XRCC6: variants seen among roughly 807,000 people sequenced by gnomAD.
The protein encoded by XRCC6 is DNA repair protein Ku70.
XRCC6 carries 5 observed loss-of-function variants against 65.7 expected under a neutral mutation model. The observed-to-expected ratio is 0.08, with a 90% CI of 0.04 to 0.16. The LOEUF (loss-of-function observed/expected upper bound fraction) is 0.16, where lower values mean the gene tolerates loss of function less well. Among genes scored for constraint, XRCC6 ranks in the 10% least tolerant of loss-of-function variants. The pLI is 1.00. For synonymous variants in XRCC6, 270 were observed against 270.6 expected, an observed-to-expected ratio of 1.00 and a Z score of 0.02; for missense variants, 447 against 738.1, an observed-to-expected ratio of 0.61 and a Z score of 4.57.
chr22:41,630,106 C>A (rs1430676414), intron 3 of XRCC6, among the ~76,000 whole-genome samples: 1 of 151,618 alleles, frequency 6.6e-6, no homozygotes, highest in African/African-American at 2.4e-5. Flanking sequence ...GCCTCAGCCT[C>A]CCGAGTAGGT....
intron 7 of XRCC6, among the ~76,000 whole-genome samples, chr22:41,648,513 G>A (rs907672334): frequency 3.3e-5 from 5 of 152,110 alleles, no homozygotes; most frequent in Non-Finnish European, 5.9e-5. Context: ...GCCTTGGGAT[G>A]ACATACATCT....
At chr22:41,652,621 C>T (rs2068011520) in intron 8 of XRCC6, among the ~76,000 whole-genome samples, 2 of 152,162 alleles carry the variant, frequency 1.3e-5, no homozygotes, top group African/African-American at 4.8e-5. Flanking sequence ...CTGTCTTGGC[C>T]TCCCAGAGTG....
chr22:41,651,771 T>C (rs911873901), intron 8 of XRCC6, among the ~76,000 whole-genome samples: 1 of 150,638 alleles, frequency 6.6e-6, no homozygotes, highest in African/African-American at 2.4e-5. Flanking sequence ...CGTGAGCCAC[T>C]GCACCTGGCC....
chr22:41,631,474 C>T (rs1188511793), intron 3 of XRCC6, among the ~76,000 whole-genome samples: 4 of 150,454 alleles, frequency 2.7e-5, no homozygotes, highest in African/African-American at 7.4e-5. Context: ...CAGAGACGCT[C>T]CTCACCTCCC....
At chr22:41,621,380 A>C in intron 1 of XRCC6, 35 bp downstream of exon 1, 1 of 167,000 alleles carries the variant, frequency 6.0e-6, no homozygotes, top group South Asian at 1.4e-4. Flanking sequence ...GTTGTTCGCC[A>C]GCTAGGCCTG....
At chr22:41,647,606 G>A (rs1193741551) in intron 7 of XRCC6, among the ~76,000 whole-genome samples, 1 of 151,654 alleles carries the variant, frequency 6.6e-6, no homozygotes, top group Admixed American at 6.6e-5. Context: ...AAGAGACGGT[G>A]TCTCGCTATG....
intron 2 of XRCC6, 137 bp downstream of exon 2, chr22:41,622,223 G>A: frequency 1.1e-6 from 1 of 949,268 alleles, no homozygotes; most frequent in Non-Finnish European, 1.6e-6. Flanking sequence ...TTCTTCCTTT[G>A]AACTTCGCAG....
chr22:41,628,612 T>C (rs987791712), intron 3 of XRCC6, among the ~76,000 whole-genome samples: 1 of 152,076 alleles, frequency 6.6e-6, no homozygotes, highest in Non-Finnish European at 1.5e-5. Flanking sequence ...CTACTGCCTG[T>C]GGTTGGGGAA....
intron 7 of XRCC6, 113 bp downstream of exon 7, chr22:41,647,195 C>A: frequency 9.2e-7 from 1 of 1,084,506 alleles, no homozygotes; most frequent in Non-Finnish European, 1.3e-6. Flanking sequence ...ACCTCCTGGA[C>A]TCAAGCGATC....
At chr22:41,658,814 C>G (rs923809850) in intron 11 of XRCC6, among the ~76,000 whole-genome samples, 5 of 152,132 alleles carry the variant, frequency 3.3e-5, no homozygotes, top group African/African-American at 1.2e-4. Context: ...GCCTGTAGTC[C>G]CAGCTACTCG....
At chr22:41,643,476 C>T (rs1006431036) in intron 6 of XRCC6, among the ~76,000 whole-genome samples, 5 of 151,848 alleles carry the variant, frequency 3.3e-5, no homozygotes, top group Admixed American at 6.6e-5. Context: ...TTAGCTGCAT[C>T]GTATACATTT....
At chr22:41,627,466 C>T (rs1026160006) in intron 2 of XRCC6, among the ~76,000 whole-genome samples, 1 of 151,978 alleles carries the variant, frequency 6.6e-6, no homozygotes, top group East Asian at 1.9e-4. Context: ...ACAAAATTAG[C>T]TGGGAGTGGT....
At chr22:41,637,964 A>AG (rs2067827657) in intron 6 of XRCC6, among the ~76,000 whole-genome samples, 173 bp downstream of exon 6, 1 of 148,282 alleles carries the variant, frequency 6.7e-6, no homozygotes, top group Admixed American at 6.8e-5. Flanking sequence ...TCTCTACCTA[A>AG]AAAAAAAAAA....
chr22:41,654,459 G>A (rs1423592879), intron 9 of XRCC6, among the ~76,000 whole-genome samples: 1 of 152,174 alleles, frequency 6.6e-6, no homozygotes. Context: ...CTCTCAGGCT[G>A]TGTCTATAGT....
At chr22:41,632,343 G>T (rs2067764418) in intron 3 of XRCC6, among the ~76,000 whole-genome samples, 1 of 152,112 alleles carries the variant, frequency 6.6e-6, no homozygotes, top group Non-Finnish European at 1.5e-5. Flanking sequence ...GGGTGTGGTG[G>T]CTCACGCCTG....
rs2068122966 is a variant in XRCC6 at position 41,663,846 on chromosome 22, C to T, written c.*31C>T. 6.3e-7 allele frequency: 1 copy of T among 1,598,672 alleles called. No individual in the cohort carries two copies. The highest frequency in any genetic ancestry group is 8.6e-7 in the Non-Finnish European group (1 of 1,169,566). On this transcript the variant is annotated 3_prime_UTR_variant, in exon 13 of 13. Coordinates refer to ENST00000360079, the MANE Select transcript of XRCC6 (RefSeq NM_001469.5). ...GGCCGCGCGTCCAGCTGCCCTTCCG[C>T]AGTGTGGCCAGGCTGCCTGGCCTTG...
chr22:41,662,195 A>T (rs1407230775), intron 12 of XRCC6, among the ~76,000 whole-genome samples: 1 of 152,186 alleles, frequency 6.6e-6, no homozygotes, highest in African/African-American at 2.4e-5. Flanking sequence ...TTGTACATTT[A>T]AAAATAACTA....
At chr22:41,662,678 T>G (rs1373982216) in intron 12 of XRCC6, among the ~76,000 whole-genome samples, 1 of 152,228 alleles carries the variant, frequency 6.6e-6, no homozygotes, top group Non-Finnish European at 1.5e-5. Flanking sequence ...GATGCATTCT[T>G]GCAGTGAATT....
At chr22:41,644,654 AT>A (rs1206019770) in intron 6 of XRCC6, among the ~76,000 whole-genome samples, 2 of 151,600 alleles carry the variant, frequency 1.3e-5, no homozygotes, top group East Asian at 2.0e-4. Flanking sequence ...CCTGGCTAAT[AT>A]TTTTTTGTAT....
Sources: allele counts gnomAD v4.1 joint callset (sites outside exome capture counted in the v4.1 genomes callset), GRCh38; gene constraint gnomAD v4.1.1; transcripts MANE v1.5; gene names NCBI Gene and HGNC (gene_info 2026-07-23, HGNC 2026-07-21).